The following PRKDC variants were observed in gnomAD, a reference collection of about 807,000 sequenced individuals.
The protein encoded by PRKDC is protein kinase, DNA-activated, catalytic subunit.
PRKDC carries 82 observed loss-of-function variants against 486.9 expected under a neutral mutation model. The ratio of observed to expected loss-of-function variants is 0.17; its 90% CI spans 0.14 to 0.20. The LOEUF is 0.20. Ranked by LOEUF, PRKDC falls within the 10% of genes least tolerant of loss-of-function variation. The pLI is 1.00. For synonymous variants in PRKDC, 1,895 were observed against 1,837.0 expected (o/e 1.03, Z -0.81); for missense variants, 4,504 against 5,038.2 (o/e 0.89, Z 3.21).
At position 47,886,153 on chromosome 8, in the gene PRKDC, A is replaced by G. The variant is rs1389711876; in HGVS notation, c.4573-6T>C. The G allele has an allele frequency of 6.3e-7, 1 of 1,581,482 alleles. No homozygotes were observed. The highest frequency in any genetic ancestry group is 8.6e-7 in the Non-Finnish European group (1 of 1,165,840). ...AGACTCACAAGGCGCTCACACTGGG[A>G]AAAAGAAAGGAGAAGTACCATAACT... is the stretch of plus-strand genomic sequence containing the variant. On this transcript the variant is annotated splice_polypyrimidine_tract_variant and splice_region_variant and intron_variant, in intron 35 of 85. Transcript: ENST00000314191.
chr8:47,926,281 TA>T (rs1004975076), intron 21 of PRKDC, among the ~76,000 whole-genome samples: 1 of 152,152 alleles, frequency 6.6e-6, no homozygotes, highest in African/African-American at 2.4e-5. Context: ...TTACAATCTG[TA>T]AAAAAATCGT....
At chr8:47,930,241 T>A (rs1364593988) in intron 17 of PRKDC, among the ~76,000 whole-genome samples, 1 of 152,234 alleles carries the variant, frequency 6.6e-6, no homozygotes, top group African/African-American at 2.4e-5. Flanking sequence ...AAGATCTATA[T>A]AATCGATTAC....
At chr8:47,833,561 C>G (rs543517903) in intron 59 of PRKDC, among the ~76,000 whole-genome samples, 1 of 152,248 alleles carries the variant, frequency 6.6e-6, no homozygotes, top group East Asian at 1.9e-4. Context: ...CCACACAAAC[C>G]TCAGAGAAGG....
chr8:47,929,556 C>A (rs1456056761), intron 18 of PRKDC, among the ~76,000 whole-genome samples: 1 of 152,150 alleles, frequency 6.6e-6, no homozygotes, highest in Non-Finnish European at 1.5e-5. Context: ...GAGACCTGCC[C>A]CCAAGGTTTG....
At chr8:47,863,678 G>T (rs922059157) in intron 41 of PRKDC, 101 bp from the exon 42 acceptor site, 1 of 1,001,844 alleles carries the variant, frequency 1.0e-6, no homozygotes, top group Non-Finnish European at 1.4e-6. Flanking sequence ...TAGACAGACA[G>T]AATTTTAACA....
At chr8:47,795,634 CA>C (rs2086969968) in intron 73 of PRKDC, among the ~76,000 whole-genome samples, 2 of 151,642 alleles carry the variant, frequency 1.3e-5, no homozygotes, top group Non-Finnish European at 1.5e-5. Context: ...GCTGGGATTA[CA>C]AACACTCGTC....
intron 40 of PRKDC, among the ~76,000 whole-genome samples, chr8:47,867,198 C>G (rs2088838088): frequency 6.6e-6 from 1 of 152,094 alleles, no homozygotes; most frequent in Non-Finnish European, 1.5e-5. Flanking sequence ...AGGGCGAGAT[C>G]TGTACAAGAC....
At chr8:47,834,686 C>CTTCTTTTTTT (rs1319694640) in intron 58 of PRKDC, among the ~76,000 whole-genome samples, 3 of 96,778 alleles carry the variant, frequency 3.1e-5, no homozygotes, top group African/African-American at 1.4e-4. Flanking sequence ...GAACCCCTGA[C>CTTCTTTTTTT]TTTTTTTTTT....
chr8:47,873,224 T>A (rs1371520561), intron 40 of PRKDC, among the ~76,000 whole-genome samples: 3 of 95,510 alleles, frequency 3.1e-5, no homozygotes, highest in African/African-American at 4.8e-5. Flanking sequence ...CAAGACTCCA[T>A]CTCAAAAAAA....
chr8:47,933,382 T>C (rs2090290932), intron 15 of PRKDC, among the ~76,000 whole-genome samples: 2 of 152,250 alleles, frequency 1.3e-5, no homozygotes, highest in Admixed American at 1.3e-4. Context: ...TCAGATGTCA[T>C]TTATCCAGTC....
intron 62 of PRKDC, among the ~76,000 whole-genome samples, chr8:47,827,636 C>G (rs541081815): frequency 6.6e-6 from 1 of 152,248 alleles, no homozygotes; most frequent in Non-Finnish European, 1.5e-5. Context: ...ACTGCTTTAA[C>G]ACTTCCCTAT....
chr8:47,851,192 G>A (rs762279034), intron 52 of PRKDC, among the ~76,000 whole-genome samples: 7 of 152,154 alleles, frequency 4.6e-5, no homozygotes, highest in East Asian at 1.9e-4. Context: ...AAAAAAATAC[G>A]TAAAACAGAA....
chr8:47,839,926 G>C, intron 55 of PRKDC, 90 bp downstream of exon 55: 1 of 1,037,560 alleles, frequency 9.6e-7, no homozygotes, highest in South Asian at 1.9e-5. Context: ...GCAGTGACCT[G>C]TGTTTGTGCC....
chr8:47,864,757 T>A lies in PRKDC; in HGVS notation c.5370A>T (p.Ser1790=). 6.3e-7 allele frequency: 1 copy of A among 1,582,910 alleles called. No individual in the cohort carries two copies. The change falls in exon 41 of 86, where the codon TCA becomes TCT. Residue 1790 remains serine (S), a synonymous_variant. Coordinates refer to ENST00000314191, the MANE Select transcript of PRKDC (RefSeq NM_006904.7). ...CCAGAAGGCCTACTTGTGTGACACA[T>A]GAACCCCTAAGAAAACAAGATAAAA... is the stretch of plus-strand genomic sequence containing the variant. ...SSFRRIARRG[S]CVTQVGLLES...
At chr8:47,922,913 C>T (rs1326831091) in intron 21 of PRKDC, among the ~76,000 whole-genome samples, 3 of 152,110 alleles carry the variant, frequency 2.0e-5, no homozygotes, top group Non-Finnish European at 2.9e-5. Flanking sequence ...TATGAAAGGA[C>T]ATTAACACAG....
chr8:47,890,405 G>C lies in PRKDC; in HGVS notation c.3923C>G (p.Ala1308Gly), dbSNP rs1386230829. Residue 1308 changes from alanine to glycine, a missense_variant, in exon 32 of 86, where the codon GCA (alanine) becomes GGA (glycine). Physicochemically the swap from Ala to Gly is moderately conservative, Grantham distance 60 (BLOSUM62 0). Coordinates refer to ENST00000314191, the MANE Select transcript of PRKDC (RefSeq NM_006904.7). ...CCCAGTGCCAAAGCACTTTTCTGCT[G>C]CTATAATGTCATGCATGGCAATGCT... is the stretch of plus-strand genomic sequence containing the variant. ...LESIAMHDII[A>G]AEKCFGTGAA... 6.9e-6 allele frequency: 11 copies of C among 1,605,140 alleles called. No homozygotes were observed. Among genetic ancestry groups the C allele is most frequent in the Non-Finnish European group, 8.5e-6 (10 of 1,175,502 alleles).
intron 23 of PRKDC, among the ~76,000 whole-genome samples, chr8:47,914,899 C>T (rs187289792): frequency 5.3e-5 from 8 of 152,152 alleles, no homozygotes; most frequent in Non-Finnish European, 1.2e-4. Context: ...AGGCAATCTT[C>T]CCACCTCAGC....
intron 11 of PRKDC, 128 bp from the exon 12 acceptor site, chr8:47,936,645 G>A: frequency 9.3e-7 from 1 of 1,077,520 alleles, no homozygotes; most frequent in East Asian, 2.6e-5. Flanking sequence ...TTGAGACGAA[G>A]TTTCGCTCTT....
chr8:47,863,599 T>C, intron 41 of PRKDC, 22 bp from the exon 42 acceptor site: 1 of 1,564,740 alleles, frequency 6.4e-7, no homozygotes, highest in Admixed American at 1.7e-5. Context: ...TAAAAAATAA[T>C]TATCTTTGGT....
Sources: gnomAD v4.1 joint callset for allele counts (sites outside exome capture counted in the v4.1 genomes callset) on GRCh38, gnomAD v4.1.1 for gene constraint, MANE v1.5 for transcripts, NCBI Gene and HGNC (gene_info 2026-07-23, HGNC 2026-07-21) for gene names.